Variants in FUT8 observed in about 807,000 individuals in gnomAD.
The protein encoded by FUT8 is fucosyltransferase 8.
In FUT8, 29 loss-of-function variants were observed where a neutral mutation model predicts 71.3. The ratio of observed to expected loss-of-function variants is 0.41; its 90% CI spans 0.30 to 0.55. The LOEUF (loss-of-function observed/expected upper bound fraction) is 0.55, where lower values mean the gene tolerates loss of function less well. Among genes scored for constraint, FUT8 ranks in the 20% least tolerant of loss-of-function variants. FUT8 has a pLI of 0.34. For missense variants in FUT8, 544 were observed against 702.1 expected (o/e 0.77, Z 2.55); for synonymous variants, 254 against 239.3 (o/e 1.06, Z -0.57).
At chr14:65,739,993 T>C (rs764160299) in intron 10 of FUT8, among the ~76,000 whole-genome samples, 1 of 152,070 alleles carries the variant, frequency 6.6e-6, no homozygotes, top group Non-Finnish European at 1.5e-5. Context: ...TCATTGTTAT[T>C]GTAGTTTGCT....
chr14:65,544,467 G>A lies in FUT8; in HGVS notation c.-227-16870G>A, dbSNP rs986385824. Among the ~76,000 whole-genome samples, 7 of 151,874 alleles carry A rather than the reference G, an allele frequency of 4.6e-5. No individual in the cohort carries two copies. In the East Asian group the frequency reaches 9.6e-4, roughly 21 times the overall value. ...TTTATGTGCACACACACACACAATT[G>A]GAGAAAATGGTGATATATATACACA... On this transcript the variant is annotated intron_variant, in intron 2 of 10. Coordinates refer to ENST00000673929, the MANE Select transcript of FUT8 (RefSeq NM_001371533.1).
At chr14:65,385,119 G>A in the FUT8 span, among the ~76,000 whole-genome samples, 2 of 151,496 alleles carry the variant, frequency 1.3e-5, no homozygotes, top group African/African-American at 4.9e-5. Context: ...GGCTGGTCTC[G>A]AACTCCTGAC....
intron 1 of FUT8, among the ~76,000 whole-genome samples, chr14:65,422,449 G>A (rs2065312890): frequency 6.6e-6 from 1 of 151,788 alleles, no homozygotes. Context: ...CCAGAATAGG[G>A]CACTTTTGTC....
rs1223086665 is a variant in FUT8 at position 65,574,391 on chromosome 14, A to C, written c.203+12625A>C. ...CCAAGGTCTTGACCACCAGAAGATA[A>C]AAATCAGTGGGGGCATCCTACAGTC... On this transcript the variant is annotated intron_variant, in intron 3 of 10. Transcript: ENST00000673929. This position sits in a 1 kb window ranked among gnomAD's most constrained non-coding sequence, Gnocchi z 5.2. Among the ~76,000 whole-genome samples the C allele has an allele frequency of 6.6e-6, 1 of 152,178 alleles. No individual in the cohort carries two copies.
At position 65,743,315 on chromosome 14, in the gene FUT8, A is replaced by G. The variant is rs1382992975; in HGVS notation, c.*905A>G. ...AACTCAGAGACATTGGTCCATTTTA[A>G]TACTGAAAACCAATTTTCATTGGTA... On this transcript the variant is annotated 3_prime_UTR_variant, in exon 11 of 11. Coordinates refer to ENST00000673929, the MANE Select transcript of FUT8 (RefSeq NM_001371533.1). 1 of 151,888 alleles carries G rather than the reference A, an allele frequency of 6.6e-6. No homozygotes were observed. Among genetic ancestry groups the G allele is most frequent in the East Asian group, 1.9e-4 (1 of 5,160 alleles). The allele number at this position is 151,888 out of a possible 1,614,324, so 9.4% of individuals were successfully genotyped here. A position where few individuals can be genotyped will look rare whatever the true frequency, so the allele number is the denominator to read the frequency against.
intron 7 of FUT8, among the ~76,000 whole-genome samples, chr14:65,700,536 A>G (rs981980420): frequency 6.6e-6 from 1 of 150,738 alleles, no homozygotes; most frequent in African/African-American, 2.4e-5. Context: ...GACTACAGGC[A>G]CCCGCCACCA....
intron 1 of FUT8, among the ~76,000 whole-genome samples, chr14:65,417,795 G>T (rs2065240048): frequency 6.6e-6 from 1 of 152,102 alleles, no homozygotes; most frequent in Non-Finnish European, 1.5e-5. Context: ...TATAGTGATT[G>T]TATAGTTATA....
intron 6 of FUT8, among the ~76,000 whole-genome samples, chr14:65,648,413 CCCA>C (rs1891213574): frequency 6.6e-6 from 1 of 152,126 alleles, no homozygotes; most frequent in South Asian, 2.1e-4. Context: ...TGTTGAGGTT[CCCA>C]CCTCCAAACA....
intron 7 of FUT8, among the ~76,000 whole-genome samples, chr14:65,675,059 T>C (rs1010173057): frequency 2.0e-5 from 3 of 152,272 alleles, no homozygotes; most frequent in African/African-American, 7.2e-5. Context: ...AGTTAGAATA[T>C]ACTTAATGTC....
intron 3 of FUT8, among the ~76,000 whole-genome samples, chr14:65,613,070 G>C (rs1438931997): frequency 6.6e-6 from 1 of 151,118 alleles, no homozygotes; most frequent in Non-Finnish European, 1.5e-5. Flanking sequence ...AGTTGGATTA[G>C]ATTATTAGGC....
At chr14:65,713,947 T>A (rs1201526685) in intron 7 of FUT8, among the ~76,000 whole-genome samples, 2 of 152,210 alleles carry the variant, frequency 1.3e-5, no homozygotes, top group Non-Finnish European at 2.9e-5. Context: ...CTTTACCCAC[T>A]CCAGTGTCCT....
rs1035256190 is a variant in FUT8, at chr14:65,550,659, T to C, written c.-227-10678T>C. Reference sequence around the variant, plus strand: ...TTATTGTAGTTTTCTTTTTTCAACATTTTCATTTTTTCTTTTAAATCCTAG... The same window carrying C: ...TTATTGTAGTTTTCTTTTTTCAACACTTTCATTTTTTCTTTTAAATCCTAG... On this transcript the variant is annotated intron_variant, in intron 2 of 10. Coordinates refer to ENST00000673929, the MANE Select transcript of FUT8 (RefSeq NM_001371533.1). This position sits in a 1 kb window ranked among gnomAD's most constrained non-coding sequence, Gnocchi z 4.5. Among the ~76,000 whole-genome samples the C allele has an allele frequency of 3.3e-5, 5 of 152,184 alleles. No individual in the cohort carries two copies. The highest frequency in any genetic ancestry group is 1.2e-4 in the African/African-American group (5 of 41,452).
intron 3 of FUT8, among the ~76,000 whole-genome samples, chr14:65,575,515 C>T (rs141518199): frequency 6.6e-6 from 1 of 152,064 alleles, no homozygotes; most frequent in Non-Finnish European, 1.5e-5. Flanking sequence ...CATTTAATGA[C>T]AAGTTGGTTA....
chr14:65,738,541 G>A (rs1397014470), intron 10 of FUT8, among the ~76,000 whole-genome samples: 1 of 152,054 alleles, frequency 6.6e-6, no homozygotes, highest in African/African-American at 2.4e-5. Flanking sequence ...ACAGAATAAA[G>A]TTAAACATAC....
chr14:65,420,188 A>T (rs186025024), intron 1 of FUT8, among the ~76,000 whole-genome samples: 4 of 152,342 alleles, frequency 2.6e-5, no homozygotes, highest in Admixed American at 1.3e-4. Flanking sequence ...TGGCATAAAG[A>T]TGTAATGAAA....
At chr14:65,491,242 G>A (rs184380519) in intron 2 of FUT8, among the ~76,000 whole-genome samples, 2 of 152,194 alleles carry the variant, frequency 1.3e-5, no homozygotes, top group African/African-American at 4.8e-5. Context: ...GAATTCTAAA[G>A]ATCGAGACCA....
chr14:65,598,893 C>T (rs773525183), intron 3 of FUT8, among the ~76,000 whole-genome samples: 9 of 152,072 alleles, frequency 5.9e-5, no homozygotes, highest in African/African-American at 1.7e-4. Context: ...GGGGTTCAAG[C>T]GATTCCCCTG....
intron 6 of FUT8, chr14:65,646,597 G>A (rs542880060): frequency 3.1e-5 from 4 of 130,908 alleles, no homozygotes; most frequent in African/African-American, 9.8e-5. Context: ...AAGAACCTTT[G>A]TGTAAGTCAG....
intron 2 of FUT8, among the ~76,000 whole-genome samples, chr14:65,516,912 C>G (rs1882746885): frequency 6.6e-6 from 1 of 151,032 alleles, no homozygotes; most frequent in Non-Finnish European, 1.5e-5. Context: ...ATTCTACTTT[C>G]TCTCTCTCTG....
Sources: gnomAD v4.1 joint callset for allele counts (sites outside exome capture counted in the v4.1 genomes callset) on GRCh38, gnomAD v4.1.1 for gene constraint, Gnocchi (gnomAD v3.1) non-coding constraint, MANE v1.5 for transcripts, NCBI Gene and HGNC (gene_info 2026-07-23, HGNC 2026-07-21) for gene names.